The following GDA variants were observed in gnomAD, a reference collection of about 807,000 sequenced individuals.
The protein encoded by GDA is guanine deaminase, also known as cytoplasmic PSD-95 interactor.
Under a neutral mutation model 59.6 loss-of-function variants are expected in GDA, and 18 were observed. The observed-to-expected ratio is 0.30, with a 90% CI of 0.21 to 0.45. The LOEUF (loss-of-function observed/expected upper bound fraction) is 0.45, where lower values mean the gene tolerates loss of function less well. GDA is among the 20% of genes least tolerant of loss of function. The probability of loss-of-function intolerance (pLI) is 1.00; values close to 1 mark genes in which losing one functional copy is unlikely to be tolerated. For missense variants in GDA, 427 were observed against 552.3 expected (o/e 0.77, Z 2.27); for synonymous variants, 201 against 201.1 (o/e 1.00, Z 0.00).
chr9:72,235,774 T>G (rs1838916072), intron 10 of GDA, among the ~76,000 whole-genome samples: 1 of 151,514 alleles, frequency 6.6e-6, no homozygotes, highest in South Asian at 2.1e-4. Context: ...ATATTAGAGA[T>G]AACTACTTGA....
chr9:72,180,616 T>C (rs184098744), intron 1 of GDA, among the ~76,000 whole-genome samples: 189 of 152,340 alleles, frequency 1.2e-3, no homozygotes, highest in Middle Eastern at 3.4e-3. Context: ...AATTATTTGC[T>C]TGTTTGATGA....
upstream of GDA, among the ~76,000 whole-genome samples, chr9:72,145,088 C>T (rs1826578059): frequency 3.3e-5 from 5 of 152,274 alleles, no homozygotes; most frequent in South Asian, 1.0e-3. Context: ...TCCCTGCACT[C>T]TCTGTACCTC....
At chr9:72,125,490 G>A (rs996104722) in intron 1 of GDA, among the ~76,000 whole-genome samples, 1 of 151,942 alleles carries the variant, frequency 6.6e-6, no homozygotes, top group Non-Finnish European at 1.5e-5. Flanking sequence ...CCAAAGTGCT[G>A]GGATTACAGG....
chr9:72,236,783 T>G lies in GDA; in HGVS notation c.989-4369T>G, dbSNP rs956129817. Among the ~76,000 whole-genome samples, 7 of 149,402 alleles carry G rather than the reference T, an allele frequency of 4.7e-5. No homozygotes were observed. The East Asian group carries it at 9.8e-4, about 21-fold the overall frequency. ...AGAAACAAAACCACTCCTATTTTTTTTTTTTTTTTTTTTTGAGATGGAGTA... is the reference window on the plus strand; with the variant it reads ...AGAAACAAAACCACTCCTATTTTTTGTTTTTTTTTTTTTTGAGATGGAGTA... On this transcript the variant is annotated intron_variant, in intron 10 of 13. Coordinates refer to ENST00000358399, the MANE Select transcript of GDA (RefSeq NM_004293.5).
intron 1 of GDA, among the ~76,000 whole-genome samples, chr9:72,140,023 C>G (rs1423311600): frequency 6.6e-6 from 1 of 152,084 alleles, no homozygotes; most frequent in East Asian, 1.9e-4. Context: ...CACTATATTC[C>G]AAGTTCTCTA....
chr9:72,149,214 T>C (rs1015911429), upstream of GDA: 20 of 304,350 alleles, frequency 6.6e-5, no homozygotes, highest in Admixed American at 1.0e-3. Flanking sequence ...ACACAACTCA[T>C]AGAAGGTGGA....
intron 3 of GDA, among the ~76,000 whole-genome samples, chr9:72,204,540 C>T (rs1377959768): frequency 1.3e-5 from 2 of 152,176 alleles, no homozygotes; most frequent in African/African-American, 4.8e-5. Flanking sequence ...CTGAAATTTA[C>T]ACTGCTTTTA....
intron 10 of GDA, among the ~76,000 whole-genome samples, chr9:72,238,716 A>G (rs931255762): frequency 6.6e-6 from 1 of 152,204 alleles, no homozygotes; most frequent in Non-Finnish European, 1.5e-5. Flanking sequence ...GCAAGTAATG[A>G]TACCATCTTC....
chr9:72,133,221 C>G (rs1186165206), intron 1 of GDA, among the ~76,000 whole-genome samples: 1 of 139,762 alleles, frequency 7.2e-6, no homozygotes, highest in Non-Finnish European at 1.5e-5. Context: ...ATCCAGGAGG[C>G]GGAGGTTGTA....
chr9:72,149,425 C>T (rs1826857369), upstream of GDA: 9 of 1,058,112 alleles, frequency 8.5e-6, no homozygotes, highest in Non-Finnish European at 1.2e-5. Context: ...GGCAACCGCC[C>T]GGGTAAGCGG....
At chr9:72,202,468 G>A (rs552395181) in intron 2 of GDA, 103 bp from the exon 3 acceptor site, 4 of 728,152 alleles carry the variant, frequency 5.5e-6, no homozygotes, top group South Asian at 5.4e-5. Flanking sequence ...ATAAACCTGT[G>A]TGGGTGAACA....
chr9:72,251,434 T>G lies in GDA; in HGVS notation c.*3092T>G, dbSNP rs1370832076. On this transcript the variant is annotated 3_prime_UTR_variant, in exon 14 of 14. Transcript: ENST00000358399. The stretch of plus-strand genomic sequence containing the variant: ...ATTGTATCAATTCTACCTTGTGCTA[T>G]ACGTAGGAGAGATCCAAAATTTGGA... 6.6e-6 allele frequency: 1 copy of G among 152,200 alleles called. No individual in the cohort carries two copies. Among genetic ancestry groups the G allele is most frequent in the Non-Finnish European group, 1.5e-5 (1 of 68,064 alleles). 9.4% of individuals were successfully genotyped at this position (152,200 alleles called of 1,614,324 possible).
At chr9:72,142,699 G>C (rs1826484086) in intron 1 of GDA, among the ~76,000 whole-genome samples, 1 of 152,128 alleles carries the variant, frequency 6.6e-6, no homozygotes, top group African/African-American at 2.4e-5. Context: ...GCTGGAATAG[G>C]AACCTATAGA....
At chr9:72,230,036 T>C (rs1838138737) in intron 9 of GDA, among the ~76,000 whole-genome samples, 1 of 152,240 alleles carries the variant, frequency 6.6e-6, no homozygotes, top group Non-Finnish European at 1.5e-5. Flanking sequence ...CACATTTCTG[T>C]TTAAATGGTC....
intron 1 of GDA, among the ~76,000 whole-genome samples, chr9:72,151,892 C>T (rs6560255): frequency 0.014 from 2,085 of 152,196 alleles, 44 homozygotes; most frequent in African/African-American, 0.048. Context: ...CGTGAGCCAC[C>T]GCGCCGGCCA....
intron 1 of GDA, among the ~76,000 whole-genome samples, chr9:72,135,264 C>T (rs984593571): frequency 6.0e-5 from 9 of 151,206 alleles, no homozygotes; most frequent in South Asian, 2.1e-4. Flanking sequence ...TTTCAGTCAA[C>T]GAAAGTAATC....
chr9:72,183,469 A>G (rs1831505471), intron 1 of GDA, among the ~76,000 whole-genome samples: 1 of 152,206 alleles, frequency 6.6e-6, no homozygotes, highest in African/African-American at 2.4e-5. Flanking sequence ...AAGGAAAAGG[A>G]AAGGAAAGGC....
chr9:72,217,301 G>T (rs1392118381), intron 5 of GDA, among the ~76,000 whole-genome samples: 2 of 152,132 alleles, frequency 1.3e-5, no homozygotes, highest in Admixed American at 6.5e-5. Context: ...GAGCATATTT[G>T]CAGAGACTCC....
intron 1 of GDA, among the ~76,000 whole-genome samples, chr9:72,170,249 C>T (rs1829791310): frequency 6.6e-6 from 1 of 152,144 alleles, no homozygotes; most frequent in Non-Finnish European, 1.5e-5. Flanking sequence ...GCTTCTGGGG[C>T]ACTTGTGCAT....
Sources: allele counts gnomAD v4.1 joint callset (sites outside exome capture counted in the v4.1 genomes callset), GRCh38; gene constraint gnomAD v4.1.1; transcripts MANE v1.5; gene names NCBI Gene and HGNC (gene_info 2026-07-23, HGNC 2026-07-21).